The following HBS1L variants were observed in gnomAD, a reference collection of about 807,000 sequenced individuals.
HBS1L encodes the protein HBS1-like protein.
In HBS1L, 55 loss-of-function variants were observed where a neutral mutation model predicts 88.9. The ratio of observed to expected loss-of-function variants is 0.62; its 90% confidence interval spans 0.50 to 0.77. The LOEUF is 0.77. Ranked by LOEUF, HBS1L falls within the 30% of genes least tolerant of loss-of-function variation. The pLI, the probability that HBS1L is intolerant of heterozygous loss-of-function variation, is 0.00. For synonymous variants in HBS1L, 267 were observed against 288.5 expected, an observed-to-expected ratio of 0.93 and a Z score of 0.76; for missense variants, 741 against 829.3, an observed-to-expected ratio of 0.89 and a Z score of 1.31.
rs147732332 is a variant in HBS1L, at chr6:135,002,771, A to C, written c.502T>G (p.Ser168Ala). Reference sequence around the variant, plus strand: ...AATCCCATAGTTTGCTTCTTTCCAGATACAGTCATTTTAGCAACTTTTGGC... The same window carrying C: ...AATCCCATAGTTTGCTTCTTTCCAGCTACAGTCATTTTAGCAACTTTTGGC... Reference protein sequence around the residue: ...IVPKVAKMTVSGKKQTMGFEV... With the variant: ...IVPKVAKMTVAGKKQTMGFEV... Residue 168 changes from serine (S) to alanine (A), a missense_variant, in exon 5 of 18, where the codon TCT becomes GCT. Transcript: ENST00000367837. 161 of 1,613,280 alleles carry C rather than the reference A, an allele frequency of 1.0e-4. 1 individual carries two copies. In the African/African-American group the frequency reaches 1.2e-3, roughly 12 times the overall value.
rs1222194052 is a variant in HBS1L, at chr6:134,962,200, A to T, written c.*3079T>A. On this transcript the variant is annotated 3_prime_UTR_variant, in exon 18 of 18. Transcript: ENST00000367837. ...TTTTGAAAACTGTATAATTTTGAAT[A>T]ACTTCTATATATCAGGATCTGTAAT... The T allele has an allele frequency of 6.6e-6, 1 of 152,154 alleles. No homozygotes were observed. Among genetic ancestry groups the T allele is most frequent in the Non-Finnish European group, 1.5e-5 (1 of 68,022 alleles). 9.4% of individuals were successfully genotyped at this position (152,154 alleles called of 1,614,324 possible).
At chr6:134,973,302 C>A (rs1302069617) in intron 15 of HBS1L, among the ~76,000 whole-genome samples, 2 of 152,136 alleles carry the variant, frequency 1.3e-5, no homozygotes, top group Non-Finnish European at 2.9e-5. Context: ...ACAACATGGA[C>A]AAACCATGAA....
chr6:135,034,679 GTAT>G (rs1231335875), intron 4 of HBS1L, among the ~76,000 whole-genome samples: 2 of 152,094 alleles, frequency 1.3e-5, no homozygotes, highest in African/African-American at 4.8e-5. Context: ...AGATACTACT[GTAT>G]TATATTTTTC....
intron 4 of HBS1L, among the ~76,000 whole-genome samples, chr6:135,033,595 A>C (rs1311955005): frequency 6.6e-6 from 1 of 152,082 alleles, no homozygotes; most frequent in Non-Finnish European, 1.5e-5. Flanking sequence ...ACCACCCTAT[A>C]ATATCTAATT....
At chr6:135,052,124 G>A (rs1174190480) in intron 1 of HBS1L, among the ~76,000 whole-genome samples, 1 of 152,092 alleles carries the variant, frequency 6.6e-6, no homozygotes, top group East Asian at 1.9e-4. Flanking sequence ...CATGCAGCAG[G>A]AACAGCATGC....
At chr6:135,040,831 A>G (rs529583951) in intron 3 of HBS1L, among the ~76,000 whole-genome samples, 1 of 152,278 alleles carries the variant, frequency 6.6e-6, no homozygotes, top group African/African-American at 2.4e-5. Context: ...AGTACCAGGT[A>G]ACTAGGGGCC....
At chr6:135,011,069 C>A (rs1775759119) in intron 4 of HBS1L, among the ~76,000 whole-genome samples, 1 of 152,110 alleles carries the variant, frequency 6.6e-6, no homozygotes, top group East Asian at 1.9e-4. Context: ...ATACTGGGAA[C>A]ACTGGCAATT....
chr6:134,997,717 C>A, intron 5 of HBS1L, 61 bp from the exon 6 acceptor site: 1 of 1,429,376 alleles, frequency 7.0e-7, no homozygotes, highest in South Asian at 1.2e-5. Flanking sequence ...CCTACAATGA[C>A]AGAAGGGCAG....
intron 4 of HBS1L, among the ~76,000 whole-genome samples, chr6:135,003,568 T>TAAAAAA (rs35996451): frequency 7.8e-6 from 1 of 128,320 alleles, no homozygotes; most frequent in Non-Finnish European, 1.6e-5. Context: ...CTCCATCTCT[T>TAAAAAA]AAAAAAAAAA....
intron 4 of HBS1L, among the ~76,000 whole-genome samples, chr6:135,034,887 G>A (rs1776488321): frequency 6.6e-6 from 1 of 152,028 alleles, no homozygotes; most frequent in Non-Finnish European, 1.5e-5. Context: ...CACATTTTGG[G>A]GAATAATTTT....
In HBS1L at chr6:134,971,104, T is replaced by TAA. The variant is rs35043222; in HGVS notation, c.1798-1768_1798-1767dup. Among the ~76,000 whole-genome samples the TAA allele has an allele frequency of 6.9e-4, 99 of 143,338 alleles. No individual in the cohort carries two copies. In the Middle Eastern group the frequency reaches 0.011, roughly 16 times the overall value. 94.0% of individuals were successfully genotyped at this position (143,338 alleles called of 152,430 possible). A position where few individuals can be genotyped will look rare whatever the true frequency, so the allele number is the denominator to read the frequency against. On this transcript the variant is annotated intron_variant, in intron 15 of 17. Transcript: ENST00000367837. ...AACTTTCTAAACCAACTCATTCAAT[T>TAA]AAAAAAAAAAAAAGGGCACAGCTGG...
rs368321091 is a variant in HBS1L, at chr6:134,987,424, C to G, written c.1230+221G>C. On this transcript the variant is annotated intron_variant, in intron 9 of 17. Coordinates refer to ENST00000367837, the MANE Select transcript of HBS1L (RefSeq NM_006620.4). ...ACATGTATTATTTTATAATTTAAAA[C>G]AATTTTTAGGTTTTAAAAATTAATT... 1.4e-4 allele frequency among the ~76,000 whole-genome samples: 21 copies of G among 151,922 alleles called. No homozygotes were observed. In the East Asian group the frequency reaches 1.5e-3, roughly 11 times the overall value.
chr6:135,050,777 T>G (rs1777057092), intron 1 of HBS1L, 130 bp from the exon 2 acceptor site: 1 of 615,752 alleles, frequency 1.6e-6, no homozygotes, highest in Non-Finnish European at 2.8e-6. Flanking sequence ...AGAATGTCTA[T>G]TTTCAAAAAA....
intron 8 of HBS1L, among the ~76,000 whole-genome samples, chr6:134,992,281 C>A (rs928333187): frequency 6.6e-6 from 1 of 152,040 alleles, no homozygotes; most frequent in Non-Finnish European, 1.5e-5. Context: ...ACGTTTTGGT[C>A]AACCATGGAC....
At chr6:134,968,924 C>A (rs1001634969) in intron 16 of HBS1L, among the ~76,000 whole-genome samples, 1 of 151,996 alleles carries the variant, frequency 6.6e-6, no homozygotes, top group African/African-American at 2.4e-5. Context: ...TTTTTAAATG[C>A]CCTTATTTTC....
chr6:134,994,533 CTTGGAATAT>C (rs1775238769), intron 7 of HBS1L, among the ~76,000 whole-genome samples: 1 of 152,030 alleles, frequency 6.6e-6, no homozygotes, highest in African/African-American at 2.4e-5. Flanking sequence ...CTTTTTTGGA[CTTGGAATAT>C]TTGCATATAC....
intron 5 of HBS1L, among the ~76,000 whole-genome samples, chr6:135,000,222 A>ATTTTTTTTT (rs33946758): frequency 2.7e-4 from 35 of 129,416 alleles, no homozygotes; most frequent in African/African-American, 1.1e-3. Flanking sequence ...TACCCAGCTA[A>ATTTTTTTTT]TTTTTTTTTT....
intron 15 of HBS1L, among the ~76,000 whole-genome samples, chr6:134,973,181 T>C (rs532484740): frequency 2.5e-4 from 38 of 152,292 alleles, no homozygotes; most frequent in Middle Eastern, 6.8e-3. Context: ...AGCCAAAAGA[T>C]GGAAATAACC....
intron 2 of HBS1L, among the ~76,000 whole-genome samples, chr6:135,043,748 G>A (rs1468803103): frequency 6.6e-6 from 1 of 152,156 alleles, no homozygotes; most frequent in Non-Finnish European, 1.5e-5. Flanking sequence ...TCCTGAACAA[G>A]GAGAAAAGAA....
Sources: allele counts gnomAD v4.1 joint callset (sites outside exome capture counted in the v4.1 genomes callset), GRCh38; gene constraint gnomAD v4.1.1; transcripts MANE v1.5; gene names NCBI Gene and HGNC (gene_info 2026-07-23, HGNC 2026-07-21).